The following CEP57L1 variants were observed in gnomAD, a reference collection of about 807,000 sequenced individuals.
CEP57L1 encodes centrosomal protein 57 like 1.
A neutral mutation model predicts 61.0 loss-of-function variants in CEP57L1; 37 were observed. That is an observed-to-expected ratio of 0.61 (90% confidence interval 0.47 to 0.80). CEP57L1 has a LOEUF of 0.80. Among genes scored for constraint, CEP57L1 ranks in the 30% least tolerant of loss-of-function variants. The pLI is 0.00. For missense variants in CEP57L1, 422 were observed against 524.7 expected (o/e 0.80, Z 1.91); for synonymous variants, 137 against 162.3 (o/e 0.84, Z 1.19).
intron 1 of CEP57L1, among the ~76,000 whole-genome samples, chr6:109,111,133 C>T (rs1232104800): frequency 7.2e-5 from 11 of 152,214 alleles, no homozygotes; most frequent in South Asian, 6.2e-4. Flanking sequence ...GCCATTTTGA[C>T]GATATTGATT....
chr6:109,140,900 G>T (rs1349128382), intron 1 of CEP57L1, among the ~76,000 whole-genome samples: 1 of 151,702 alleles, frequency 6.6e-6, no homozygotes, highest in Non-Finnish European at 1.5e-5. Context: ...GTGCGATCTC[G>T]GCTCACTGCA....
intron 1 of CEP57L1, among the ~76,000 whole-genome samples, chr6:109,110,324 C>T (rs1771450168): frequency 6.6e-6 from 1 of 152,164 alleles, no homozygotes; most frequent in South Asian, 2.1e-4. Context: ...TGTTTGTTGG[C>T]TGCATAAATG....
chr6:109,126,518 A>T (rs548482517), intron 1 of CEP57L1, among the ~76,000 whole-genome samples: 71 of 152,262 alleles, frequency 4.7e-4, no homozygotes, highest in Middle Eastern at 6.8e-3. Context: ...GACTATAATT[A>T]TACAGTTTTA....
chr6:109,114,953 A>C (rs1772108324), intron 1 of CEP57L1, among the ~76,000 whole-genome samples: 1 of 152,200 alleles, frequency 6.6e-6, no homozygotes, highest in Admixed American at 6.5e-5. Context: ...ATATCACCTT[A>C]TACCCCATAA....
At chr6:109,128,740 C>A (rs142478158) in intron 1 of CEP57L1, among the ~76,000 whole-genome samples, 1 of 152,212 alleles carries the variant, frequency 6.6e-6, no homozygotes. Flanking sequence ...TCACTAGGAT[C>A]TATCATCGTT....
chr6:109,135,001 T>C (rs1299088594), intron 1 of CEP57L1, among the ~76,000 whole-genome samples: 5 of 152,196 alleles, frequency 3.3e-5, no homozygotes, highest in African/African-American at 7.2e-5. Context: ...AAGTAATTTA[T>C]AGATTCAATG....
chr6:109,136,844 C>T (rs1234358361), intron 1 of CEP57L1, among the ~76,000 whole-genome samples: 1 of 152,062 alleles, frequency 6.6e-6, no homozygotes, highest in Admixed American at 6.6e-5. Flanking sequence ...CAGCCTCCAC[C>T]TCCCAGGTTC....
At chr6:109,124,020 A>G (rs1386623928) in intron 1 of CEP57L1, among the ~76,000 whole-genome samples, 1 of 152,012 alleles carries the variant, frequency 6.6e-6, no homozygotes, top group Non-Finnish European at 1.5e-5. Context: ...GCAGTGAACC[A>G]AGATCGCACC....
Position 109,131,793 on chromosome 6 carries a change from C to T in CEP57L1, c.-3-13426C>T, listed in dbSNP as rs78810114. On this transcript the variant is annotated intron_variant, in intron 1 of 10. Transcript: ENST00000517392. ...TGTGGAGATAAGTGAGCCATAGAACCTCTTTACCTCTAAAGTTGCCTTCTG... is the reference window on the plus strand; with the variant it reads ...TGTGGAGATAAGTGAGCCATAGAACTTCTTTACCTCTAAAGTTGCCTTCTG... Among the ~76,000 whole-genome samples the T allele has an allele frequency of 8.3e-3, 1,262 of 152,052 alleles. 24 individuals are homozygous for T. Among genetic ancestry groups the T allele is most frequent in the African/African-American group, 0.029 (1,211 of 41,456 alleles).
intron 4 of CEP57L1, among the ~76,000 whole-genome samples, chr6:109,152,255 A>G (rs925473917): frequency 1.3e-5 from 2 of 152,136 alleles, no homozygotes; most frequent in South Asian, 2.1e-4. Context: ...ATCTTGGCTC[A>G]CTGCAACCTC....
intron 1 of CEP57L1, among the ~76,000 whole-genome samples, chr6:109,107,255 A>G (rs1434921146): frequency 6.7e-6 from 1 of 148,884 alleles, no homozygotes; most frequent in African/African-American, 2.5e-5. Context: ...TCTGGCTTGA[A>G]TTTTCTCTCT....
Position 109,174,201 on chromosome 6 carries a change from T to C in CEP57L1, c.*11231T>C, listed in dbSNP as rs1436728743. Among the ~76,000 whole-genome samples the C allele has an allele frequency of 6.6e-6, 1 of 152,212 alleles. No individual in the cohort carries two copies. The highest frequency in any genetic ancestry group is 1.5e-5 in the Non-Finnish European group (1 of 68,032). ...ATTACAGTGTCTAAGATGGATACTTTACTCTTTTCTTTTGAGAAGGGAGAG... is the reference window on the plus strand; with the variant it reads ...ATTACAGTGTCTAAGATGGATACTTCACTCTTTTCTTTTGAGAAGGGAGAG... On this transcript the variant is annotated 3_prime_UTR_variant, in exon 11 of 11. Transcript: ENST00000517392.
chr6:109,116,107 TTTATTTTATG>T (rs1772238253), intron 1 of CEP57L1, among the ~76,000 whole-genome samples: 1 of 149,692 alleles, frequency 6.7e-6, no homozygotes. Flanking sequence ...TTTATTTTAT[TTTATTTTATG>T]TTATGTGTTG....
chr6:109,104,175 T>C (rs1003602689), intron 1 of CEP57L1, among the ~76,000 whole-genome samples: 22 of 152,138 alleles, frequency 1.4e-4, no homozygotes, highest in Non-Finnish European at 2.9e-4. Flanking sequence ...CTTTCTGTTT[T>C]ACTCAACAAT....
intron 1 of CEP57L1, among the ~76,000 whole-genome samples, chr6:109,136,092 T>G (rs200338227): frequency 6.8e-4 from 104 of 152,278 alleles, no homozygotes; most frequent in East Asian, 6.0e-3. Context: ...TATAAATCAT[T>G]CTGCTACAAA....
rs1024247170 is a variant in CEP57L1, at chr6:109,173,102, A to G, written c.*10132A>G. On this transcript the variant is annotated 3_prime_UTR_variant, in exon 11 of 11. Coordinates refer to ENST00000517392, the MANE Select transcript of CEP57L1 (RefSeq NM_001271852.3). The stretch of plus-strand genomic sequence containing the variant: ...AGGAGAACATGTTTTTTTTGAACCT[A>G]TGCAAATAGCCACATGTCTGTGAAA... 6.6e-6 allele frequency among the ~76,000 whole-genome samples: 1 copy of G among 152,198 alleles called. No homozygotes were observed. Among genetic ancestry groups the G allele is most frequent in the Non-Finnish European group, 1.5e-5 (1 of 68,032 alleles).
intron 1 of CEP57L1, among the ~76,000 whole-genome samples, chr6:109,121,870 C>G (rs955322156): frequency 2.6e-5 from 4 of 152,036 alleles, no homozygotes; most frequent in African/African-American, 9.7e-5. Flanking sequence ...ATTTTGAAAA[C>G]AAATCAACAC....
rs2115000308 is a variant in CEP57L1, at chr6:109,173,770, A to T, written c.*10800A>T. On this transcript the variant is annotated 3_prime_UTR_variant, in exon 11 of 11. Coordinates refer to ENST00000517392, the MANE Select transcript of CEP57L1 (RefSeq NM_001271852.3). ...TCTGTGTCCATTAGAAATAGAAATC[A>T]GTCACATGCTATGATTTCAATATGT... 6.6e-6 allele frequency among the ~76,000 whole-genome samples: 1 copy of T among 151,966 alleles called. No individual in the cohort carries two copies. Among genetic ancestry groups the T allele is most frequent in the Admixed American group, 6.6e-5 (1 of 15,236 alleles).
chr6:109,166,875 G>C lies in CEP57L1; in HGVS notation c.*3905G>C, dbSNP rs1396979053. 6.6e-6 allele frequency among the ~76,000 whole-genome samples: 1 copy of C among 152,104 alleles called. No individual in the cohort carries two copies. The highest frequency in any genetic ancestry group is 6.5e-5 in the Admixed American group (1 of 15,274). On this transcript the variant is annotated 3_prime_UTR_variant, in exon 11 of 11. Transcript: ENST00000517392. ...AATGAAACTCCTAATGGGGTTTCCTGGAACAATATTCAGCTGTAACTAAAG... is the reference window on the plus strand; with the variant it reads ...AATGAAACTCCTAATGGGGTTTCCTCGAACAATATTCAGCTGTAACTAAAG...
Sources: allele counts gnomAD v4.1 joint callset (sites outside exome capture counted in the v4.1 genomes callset), GRCh38; gene constraint gnomAD v4.1.1; transcripts MANE v1.5; gene names NCBI Gene and HGNC (gene_info 2026-07-23, HGNC 2026-07-21).